Variants in ATP6V1A observed in about 807,000 individuals in gnomAD.
ATP6V1A encodes the protein ATPase H+ transporting V1 subunit A.
ATP6V1A carries 18 observed loss-of-function variants against 70.1 expected under a neutral mutation model. That is an observed-to-expected ratio of 0.26 (90% confidence interval 0.18 to 0.38). The LOEUF is 0.38. Ranked by LOEUF, ATP6V1A falls within the 10% of genes least tolerant of loss-of-function variation. ATP6V1A has a pLI of 1.00. For synonymous variants in ATP6V1A, 232 were observed against 253.8 expected (o/e 0.91, Z 0.82); for missense variants, 424 against 772.4 (o/e 0.55, Z 5.35).
chr3:113,797,523 T>A (rs1211160775), intron 11 of ATP6V1A, among the ~76,000 whole-genome samples: 25 of 147,274 alleles, frequency 1.7e-4, no homozygotes, highest in Middle Eastern at 3.9e-3. Context: ...CCCAGAGTGC[T>A]AGGATTACAG....
intron 1 of ATP6V1A, among the ~76,000 whole-genome samples, chr3:113,766,266 G>A (rs962916064): frequency 7.0e-6 from 1 of 143,682 alleles, no homozygotes; most frequent in African/African-American, 2.6e-5. Flanking sequence ...GTAGAGAGCA[G>A]AGATCATCTC....
chr3:113,797,246 TA>T (rs951841896), intron 11 of ATP6V1A, among the ~76,000 whole-genome samples: 4 of 147,816 alleles, frequency 2.7e-5, no homozygotes, highest in African/African-American at 7.5e-5. Flanking sequence ...CCAGAACAGT[TA>T]AAAAAAAAAT....
At chr3:113,767,898 G>A (rs1708792358) in intron 1 of ATP6V1A, among the ~76,000 whole-genome samples, 2 of 152,110 alleles carry the variant, frequency 1.3e-5, no homozygotes, top group South Asian at 4.1e-4. Context: ...TGACCCACTG[G>A]CCTTGGCTTC....
At position 113,781,133 on chromosome 3, in the gene ATP6V1A, C is replaced by A; in HGVS notation, c.166C>A (p.Arg56=). 6.2e-7 allele frequency: 1 copy of A among 1,613,576 alleles called. No homozygotes were observed. The highest frequency in any genetic ancestry group is 1.1e-5 in the South Asian group (1 of 91,056). Residue 56 remains arginine, a synonymous_variant, in exon 3 of 15, where the codon CGA becomes AGA. Coordinates refer to ENST00000273398, the MANE Select transcript of ATP6V1A (RefSeq NM_001690.4). ...CAGCGAATTGGTTGGAGAGATTATT[C>A]GATTGGAGGGTGACATGGCTACTAT... ...GHSELVGEII[R]LEGDMATIQV...
intron 6 of ATP6V1A, 102 bp downstream of exon 6, chr3:113,786,485 A>C (rs1283241441): frequency 5.8e-5 from 68 of 1,172,384 alleles, no homozygotes; most frequent in Non-Finnish European, 1.2e-6. Context: ...TAACACTATA[A>C]TACATTTTAT....
intron 1 of ATP6V1A, among the ~76,000 whole-genome samples, chr3:113,755,840 A>G (rs1335749108): frequency 1.3e-5 from 2 of 152,180 alleles, no homozygotes; most frequent in Non-Finnish European, 2.9e-5. Context: ...CACAAATGGT[A>G]GCACCTCTTC....
intron 2 of ATP6V1A, 31 bp downstream of exon 2, chr3:113,778,866 G>A: frequency 1.5e-6 from 2 of 1,358,514 alleles, no homozygotes; most frequent in Non-Finnish European, 2.0e-6. Flanking sequence ...TCAAAATAAG[G>A]ATATCTAACT....
At chr3:113,779,517 C>T (rs1391803369) in intron 2 of ATP6V1A, among the ~76,000 whole-genome samples, 1 of 152,142 alleles carries the variant, frequency 6.6e-6, no homozygotes, top group Admixed American at 6.5e-5. Flanking sequence ...AAACCTCATG[C>T]TATATAGTCT....
intron 12 of ATP6V1A, 70 bp from the exon 13 acceptor site, chr3:113,803,513 T>C (rs1463654341): frequency 8.8e-7 from 1 of 1,135,100 alleles, no homozygotes; most frequent in Non-Finnish European, 1.3e-6. Context: ...AGTTTCTGCT[T>C]GTTAATTAAT....
intron 2 of ATP6V1A, among the ~76,000 whole-genome samples, chr3:113,780,124 G>A (rs1452665203): frequency 6.6e-6 from 1 of 152,016 alleles, no homozygotes; most frequent in Non-Finnish European, 1.5e-5. Flanking sequence ...ATTATCTCTG[G>A]TATTTCAGTG....
At chr3:113,753,693 C>CTTTTTTTTTTTTTTTTTTTTTTTTT (rs11375661) in intron 1 of ATP6V1A, among the ~76,000 whole-genome samples, 1 of 141,098 alleles carries the variant, frequency 7.1e-6, no homozygotes. Context: ...TATCATGTGT[C>CTTTTTTTTTTTTTTTTTTTTTTTTT]TTTTTTTTTT....
At chr3:113,791,838 T>C (rs1709095534) in intron 8 of ATP6V1A, among the ~76,000 whole-genome samples, 1 of 148,550 alleles carries the variant, frequency 6.7e-6, no homozygotes, top group Non-Finnish European at 1.5e-5. Context: ...CGACTGGCCA[T>C]GTAGCTTTTT....
At chr3:113,788,512 T>C (rs2108033146) in intron 6 of ATP6V1A, among the ~76,000 whole-genome samples, 1 of 151,928 alleles carries the variant, frequency 6.6e-6, no homozygotes, top group East Asian at 1.9e-4. Flanking sequence ...TTTTCTTTTT[T>C]TTTTTGTAAT....
intron 6 of ATP6V1A, among the ~76,000 whole-genome samples, chr3:113,787,901 A>G (rs1316367301): frequency 2.0e-5 from 3 of 152,130 alleles, no homozygotes; most frequent in African/African-American, 7.2e-5. Flanking sequence ...ACCGTCTCCT[A>G]TCTCTCTCTC....
chr3:113,794,795 G>A (rs1709136242), intron 8 of ATP6V1A, 77 bp from the exon 9 acceptor site: 3 of 1,498,278 alleles, frequency 2.0e-6, no homozygotes, highest in Non-Finnish European at 2.7e-6. Context: ...TTGCTTTAAG[G>A]TTTTCTTAAG....
intron 1 of ATP6V1A, among the ~76,000 whole-genome samples, chr3:113,753,010 G>A (rs1046515513): frequency 1.4e-4 from 21 of 152,072 alleles, no homozygotes; most frequent in African/African-American, 4.6e-4. Flanking sequence ...GCATGGAAAC[G>A]AAGGATTCTT....
At position 113,782,542 on chromosome 3, in the gene ATP6V1A, C is replaced by CTCTCTCTCTCTA. The variant is rs749059556; in HGVS notation, c.211+1365_211+1366insCTCTCTCTCTAT. The stretch of plus-strand genomic sequence containing the variant: ...CTTTCCTTTCTCTCTCTCTCTCTCT[C>CTCTCTCTCTCTA]TATATATATATATACATGTGTATAT... On this transcript the variant is annotated intron_variant, in intron 3 of 14. Coordinates refer to ENST00000273398, the MANE Select transcript of ATP6V1A (RefSeq NM_001690.4). Among the ~76,000 whole-genome samples, 26 of 141,168 alleles carry CTCTCTCTCTCTA rather than the reference C, an allele frequency of 1.8e-4. 1 individual carries two copies. Among genetic ancestry groups the CTCTCTCTCTCTA allele is most frequent in the African/African-American group, 4.5e-4 (17 of 38,022 alleles). The allele number at this position is 141,168 out of a possible 152,430, so 92.6% of individuals were successfully genotyped here. A position where few individuals can be genotyped will look rare whatever the true frequency, so the allele number is the denominator to read the frequency against.
At chr3:113,774,161 A>G (rs542598325) in intron 1 of ATP6V1A, among the ~76,000 whole-genome samples, 1 of 152,274 alleles carries the variant, frequency 6.6e-6, no homozygotes, top group East Asian at 1.9e-4. Flanking sequence ...ATAGCAGTCT[A>G]CCGTAAACAG....
intron 1 of ATP6V1A, among the ~76,000 whole-genome samples, chr3:113,752,451 A>G (rs1708597796): frequency 6.6e-6 from 1 of 151,950 alleles, no homozygotes; most frequent in Non-Finnish European, 1.5e-5. Context: ...ATTAAAATTT[A>G]TTACTATACC....
Sources: gnomAD v4.1 joint callset for allele counts (sites outside exome capture counted in the v4.1 genomes callset) on GRCh38, gnomAD v4.1.1 for gene constraint, MANE v1.5 for transcripts, NCBI Gene and HGNC (gene_info 2026-07-23, HGNC 2026-07-21) for gene names.